The following MBNL2 variants were observed in gnomAD, a reference collection of about 807,000 sequenced individuals.
MBNL2 encodes muscleblind like splicing regulator 2, also known as muscleblind-like protein 2.
In MBNL2, 17 loss-of-function variants were observed where a neutral mutation model predicts 41.9. The observed-to-expected ratio is 0.41, with a 90% confidence interval of 0.28 to 0.61. The LOEUF (loss-of-function observed/expected upper bound fraction) is 0.61, where lower values mean the gene tolerates loss of function less well. Ranked by LOEUF, MBNL2 falls within the 20% of genes least tolerant of loss-of-function variation. MBNL2 has a pLI of 0.35. For synonymous variants in MBNL2, 195 were observed against 182.9 expected (o/e 1.07, Z -0.53); for missense variants, 336 against 505.6 (o/e 0.66, Z 3.22).
At chr13:97,235,011 A>G (rs1437981402) in intron 1 of MBNL2, among the ~76,000 whole-genome samples, 1 of 152,098 alleles carries the variant, frequency 6.6e-6, no homozygotes, top group Non-Finnish European at 1.5e-5. Flanking sequence ...ACCAGGAAGG[A>G]TTTTCTCCCT....
chr13:97,303,672 C>T (rs565495084), intron 2 of MBNL2, among the ~76,000 whole-genome samples: 1 of 152,222 alleles, frequency 6.6e-6, no homozygotes, highest in African/African-American at 2.4e-5. Flanking sequence ...TGGCAGAATG[C>T]CCCATTTTCT....
chr13:97,343,355 T>A, intron 4 of MBNL2, 139 bp downstream of exon 4: 5 of 652,646 alleles, frequency 7.7e-6, no homozygotes, highest in South Asian at 2.1e-5. Context: ...CTAAAACCCA[T>A]GTATTCATAA....
chr13:97,188,200 G>A, the MBNL2 span, among the ~76,000 whole-genome samples: 8 of 152,220 alleles, frequency 5.3e-5, no homozygotes, highest in South Asian at 1.0e-3. Context: ...CCAAGGAGGG[G>A]GTGTGATCCC....
upstream of MBNL2, among the ~76,000 whole-genome samples, chr13:97,218,435 C>CAAAAAAAAAAAAAAAAA (rs748001765): frequency 3.0e-5 from 2 of 67,554 alleles, no homozygotes; most frequent in African/African-American, 1.4e-4. Flanking sequence ...CAAAACAAAA[C>CAAAAAAAAAAAAAAAAA]AAAACAAAAA....
At chr13:97,212,766 C>T in the MBNL2 span, among the ~76,000 whole-genome samples, 3 of 152,322 alleles carry the variant, frequency 2.0e-5, no homozygotes, top group Admixed American at 2.0e-4. Flanking sequence ...AGATGTCTCT[C>T]TTTGTCGTCA....
chr13:97,237,587 C>T (rs562300296), intron 1 of MBNL2, among the ~76,000 whole-genome samples: 69 of 152,206 alleles, frequency 4.5e-4, no homozygotes, highest in African/African-American at 1.6e-3. Context: ...GGAAGGCTTC[C>T]TGGAGGAGAA....
intron 8 of MBNL2, among the ~76,000 whole-genome samples, chr13:97,368,093 T>C (rs2064012260): frequency 6.6e-6 from 1 of 152,196 alleles, no homozygotes; most frequent in Non-Finnish European, 1.5e-5. Flanking sequence ...GACCCAATTT[T>C]TATTACAAAG....
At chr13:97,324,766 C>G (rs1222054954) in intron 2 of MBNL2, among the ~76,000 whole-genome samples, 1 of 152,132 alleles carries the variant, frequency 6.6e-6, no homozygotes, top group Non-Finnish European at 1.5e-5. Context: ...CCGAGAGCCC[C>G]TGGCAAACCA....
At chr13:97,342,452 G>A (rs1330486159) in intron 3 of MBNL2, among the ~76,000 whole-genome samples, 5 of 152,156 alleles carry the variant, frequency 3.3e-5, no homozygotes, top group Non-Finnish European at 5.9e-5. Context: ...GCAAAAAATC[G>A]TAGGTTTATT....
intron 7 of MBNL2, among the ~76,000 whole-genome samples, chr13:97,364,897 G>A (rs2063729150): frequency 1.3e-5 from 2 of 152,198 alleles, no homozygotes; most frequent in African/African-American, 2.4e-5. Context: ...TCATGTCGAT[G>A]CATATGAATA....
the MBNL2 span, among the ~76,000 whole-genome samples, chr13:97,159,063 T>G: frequency 6.6e-6 from 1 of 151,926 alleles, no homozygotes; most frequent in Non-Finnish European, 1.5e-5. Context: ...GGACTTGCTT[T>G]ATGAATCTGG....
intron 1 of MBNL2, among the ~76,000 whole-genome samples, chr13:97,225,235 T>C (rs1475115569): frequency 6.6e-6 from 1 of 152,168 alleles, no homozygotes; most frequent in Non-Finnish European, 1.5e-5. Flanking sequence ...GAAAAGAGGA[T>C]TTAGATGCTG....
intron 3 of MBNL2, among the ~76,000 whole-genome samples, chr13:97,336,836 C>T (rs1170588103): frequency 6.6e-6 from 1 of 152,192 alleles, no homozygotes. Context: ...CTGCATAAGA[C>T]AAGTCAATTG....
chr13:97,311,658 C>T (rs12875726), intron 2 of MBNL2, among the ~76,000 whole-genome samples: 46 of 145,874 alleles, frequency 3.2e-4, no homozygotes, highest in East Asian at 3.0e-3. Context: ...GATTTTTTTT[C>T]TTTTTTTTTT....
rs1431765040 is a variant in MBNL2 at position 97,393,861 on chromosome 13, A to G, written c.*2412A>G. On this transcript the variant is annotated 3_prime_UTR_variant, in exon 9 of 9. Transcript: ENST00000679496. ...CAGTTCAACAAATACTGTAGTTAAG[A>G]GACTAACTCTCCACTTGTATGGGAA... The G allele has an allele frequency of 6.6e-6, 1 of 152,572 alleles. No homozygotes were observed. The highest frequency in any genetic ancestry group is 2.4e-5 in the African/African-American group (1 of 41,444). 9.5% of individuals were successfully genotyped at this position (152,572 alleles called of 1,614,324 possible). A position where few individuals can be genotyped will look rare whatever the true frequency, so the allele number is the denominator to read the frequency against.
chr13:97,215,214 C>T, the MBNL2 span, among the ~76,000 whole-genome samples: 1 of 152,186 alleles, frequency 6.6e-6, no homozygotes, highest in Non-Finnish European at 1.5e-5. Flanking sequence ...ACCATCAAAC[C>T]AGAAAAACAA....
At chr13:97,198,196 T>A in the MBNL2 span, among the ~76,000 whole-genome samples, 1 of 152,166 alleles carries the variant, frequency 6.6e-6, no homozygotes, top group African/African-American at 2.4e-5. Context: ...TGTCATTCAA[T>A]CAGTTGAAGC....
At chr13:97,148,149 G>A in the MBNL2 span, among the ~76,000 whole-genome samples, 8 of 152,302 alleles carry the variant, frequency 5.3e-5, no homozygotes, top group South Asian at 1.5e-3. Context: ...TCCTGACATA[G>A]ACAAGTGTTT....
chr13:97,339,317 G>A (rs1292707022), intron 3 of MBNL2, among the ~76,000 whole-genome samples: 1 of 47,500 alleles, frequency 2.1e-5, no homozygotes, highest in African/African-American at 7.9e-5. Context: ...ACCTGGACCT[G>A]ATGTCCTGGG....
Sources: allele counts gnomAD v4.1 joint callset (sites outside exome capture counted in the v4.1 genomes callset), GRCh38; gene constraint gnomAD v4.1.1; transcripts MANE v1.5; gene names NCBI Gene and HGNC (gene_info 2026-07-23, HGNC 2026-07-21).